The following CCDC170 variants were observed in gnomAD, a reference collection of about 807,000 sequenced individuals.
CCDC170 encodes the protein coiled-coil domain-containing protein 170.
Under a neutral mutation model 72.6 loss-of-function variants are expected in CCDC170, and 69 were observed. That is an observed-to-expected ratio of 0.95 (90% CI 0.78 to 1.16). The LOEUF is 1.16. CCDC170 is among the 50% of genes most tolerant of loss of function. The probability of loss-of-function intolerance (pLI) is 0.00; values close to 1 mark genes in which losing one functional copy is unlikely to be tolerated. For missense variants in CCDC170, 852 were observed against 832.5 expected (o/e 1.02, Z -0.29); for synonymous variants, 300 against 303.9 (o/e 0.99, Z 0.13).
intron 9 of CCDC170, among the ~76,000 whole-genome samples, chr6:151,614,133 T>C (rs868344866): frequency 1.3e-4 from 20 of 152,162 alleles, no homozygotes; most frequent in Non-Finnish European, 1.3e-4. Flanking sequence ...ATAATATATA[T>C]CATTTTACCC....
At chr6:151,578,570 C>T (rs571979825) in intron 6 of CCDC170, among the ~76,000 whole-genome samples, 2 of 152,220 alleles carry the variant, frequency 1.3e-5, no homozygotes, top group East Asian at 1.9e-4. Flanking sequence ...TCTAAAGACC[C>T]GATCTCCAAA....
chr6:151,498,443 G>A (rs543540164), intron 1 of CCDC170, among the ~76,000 whole-genome samples: 8 of 152,272 alleles, frequency 5.3e-5, no homozygotes, highest in African/African-American at 9.6e-5. Flanking sequence ...ACTTACAAAT[G>A]TACAGTTTAG....
chr6:151,536,287 T>C, intron 1 of CCDC170, 31 bp from the exon 2 acceptor site: 2 of 1,610,882 alleles, frequency 1.2e-6, no homozygotes, highest in Non-Finnish European at 8.5e-7. Flanking sequence ...CACTCTTCTT[T>C]ATATTTTGTA....
intron 9 of CCDC170, among the ~76,000 whole-genome samples, chr6:151,613,835 A>G (rs1177480152): frequency 6.6e-6 from 1 of 152,170 alleles, no homozygotes; most frequent in Non-Finnish European, 1.5e-5. Flanking sequence ...ATAAGTTTTC[A>G]GTTCTCTTGC....
At chr6:151,519,107 AT>A (rs1356764863) in intron 1 of CCDC170, among the ~76,000 whole-genome samples, 2 of 152,012 alleles carry the variant, frequency 1.3e-5, no homozygotes, top group Non-Finnish European at 2.9e-5. Context: ...CCAGGGTGGG[AT>A]TTTTTTCCCC....
chr6:151,507,144 A>G (rs1236032112), intron 1 of CCDC170, among the ~76,000 whole-genome samples: 1 of 152,202 alleles, frequency 6.6e-6, no homozygotes, highest in East Asian at 1.9e-4. Context: ...AGGGCAGGGT[A>G]TAGCTAGGCC....
rs111456042 is a variant in CCDC170, at chr6:151,530,267, A to T, written c.58-6051A>T. On this transcript the variant is annotated intron_variant, in intron 1 of 10. Coordinates refer to ENST00000239374, the MANE Select transcript of CCDC170 (RefSeq NM_025059.4). ...TATTTCCATTTCTTTTGATAAGATC[A>T]TGAGAAAGAAATTCACCAGGACAAA... 6.1e-3 allele frequency among the ~76,000 whole-genome samples: 923 copies of T among 151,994 alleles called. 6 individuals carry two copies. Among genetic ancestry groups the T allele is most frequent in the African/African-American group, 0.021 (853 of 41,496 alleles).
chr6:151,609,875 C>T (rs1256071531), intron 9 of CCDC170, among the ~76,000 whole-genome samples: 7 of 152,190 alleles, frequency 4.6e-5, no homozygotes, highest in African/African-American at 9.6e-5. Context: ...GATAAAGTCT[C>T]ATATTTTTTA....
chr6:151,520,666 A>C (rs1483014545), intron 1 of CCDC170, among the ~76,000 whole-genome samples: 1 of 152,194 alleles, frequency 6.6e-6, no homozygotes, highest in Non-Finnish European at 1.5e-5. Flanking sequence ...ACTGCTCCTA[A>C]GATCCATGCT....
chr6:151,574,111 G>A (rs1319961568), intron 6 of CCDC170, among the ~76,000 whole-genome samples: 5 of 152,214 alleles, frequency 3.3e-5, no homozygotes, highest in Non-Finnish European at 7.3e-5. Context: ...TACCTGGCAG[G>A]CTGAAGTGGA....
intron 6 of CCDC170, among the ~76,000 whole-genome samples, chr6:151,579,625 G>A (rs1186573157): frequency 1.3e-5 from 2 of 152,176 alleles, no homozygotes; most frequent in Non-Finnish European, 2.9e-5. Context: ...AGACCTTCTT[G>A]CCTTTGATTC....
At chr6:151,600,570 C>T (rs1052167558) in intron 9 of CCDC170, among the ~76,000 whole-genome samples, 2 of 152,080 alleles carry the variant, frequency 1.3e-5, no homozygotes, top group African/African-American at 4.8e-5. Context: ...CCTGCAAAGG[C>T]CCTTATCTAA....
intron 5 of CCDC170, among the ~76,000 whole-genome samples, chr6:151,566,569 A>C (rs1263687711): frequency 2.0e-5 from 3 of 152,238 alleles, no homozygotes; most frequent in Non-Finnish European, 4.4e-5. Flanking sequence ...CAAATTTTTA[A>C]GTATTAGAAG....
chr6:151,618,135 G>T lies in CCDC170; in HGVS notation c.2136G>T (p.Gln712His). 6.2e-7 allele frequency: 1 copy of T among 1,613,962 alleles called. No individual in the cohort carries two copies. Among genetic ancestry groups the T allele is most frequent in the Non-Finnish European group, 8.5e-7 (1 of 1,179,958 alleles). Residue 712 changes from glutamine to histidine, a missense_variant, in exon 11 of 11, where the codon CAG becomes CAT. By Grantham distance (24) the Gln-to-His change is conservative (BLOSUM62 0). Coordinates refer to ENST00000239374, the MANE Select transcript of CCDC170 (RefSeq NM_025059.4). ...GQERHPQGHLQLLH is the reference protein window; with the variant it reads ...GQERHPQGHLHLLH ...AGAGGCACCCACAAGGCCATTTACA[G>T]CTTCTTCATTGAACACTGTATCTCT... is the stretch of plus-strand genomic sequence containing the variant.
chr6:151,604,967 A>G (rs553117591), intron 9 of CCDC170, among the ~76,000 whole-genome samples: 3 of 152,296 alleles, frequency 2.0e-5, no homozygotes, highest in African/African-American at 2.4e-5. Flanking sequence ...GAATCACCCT[A>G]TAGTGCTTTA....
chr6:151,600,254 G>A (rs571007712), intron 9 of CCDC170, among the ~76,000 whole-genome samples: 1 of 152,250 alleles, frequency 6.6e-6, no homozygotes, highest in South Asian at 2.1e-4. Flanking sequence ...ATTGTACATT[G>A]CCTTAAGCTT....
chr6:151,569,644 C>T (rs1430574418), intron 5 of CCDC170, among the ~76,000 whole-genome samples: 7 of 152,178 alleles, frequency 4.6e-5, no homozygotes, highest in Non-Finnish European at 8.8e-5. Flanking sequence ...TTATTTTATG[C>T]CGCTTGCTTC....
rs1183331333 is a variant in CCDC170, at chr6:151,573,227, C to A, written c.828C>A (p.Ile276=). Residue 276 remains isoleucine (I), a synonymous_variant, in exon 6 of 11, where the codon ATC becomes ATA. Coordinates refer to ENST00000239374, the MANE Select transcript of CCDC170 (RefSeq NM_025059.4). ...AKEALEREVK[I]FQERLLAGQQ... is the part of the protein sequence containing the mutation. ...AAGCTCTTGAAAGGGAAGTTAAGATCTTCCAAGAAAGGCTGCTTGCTGGCC... is the reference window on the plus strand; with the variant it reads ...AAGCTCTTGAAAGGGAAGTTAAGATATTCCAAGAAAGGCTGCTTGCTGGCC... 1.9e-6 allele frequency: 3 copies of A among 1,614,096 alleles called. No individual in the cohort carries two copies. The highest frequency in any genetic ancestry group is 2.7e-5 in the African/African-American group (2 of 75,030).
At chr6:151,617,446 T>A (rs1485037946) in intron 10 of CCDC170, among the ~76,000 whole-genome samples, 1 of 49,658 alleles carries the variant, frequency 2.0e-5, no homozygotes, top group Non-Finnish European at 3.8e-5. Flanking sequence ...TTTTTTTTTT[T>A]TTTTTTTAGT....
Sources: allele counts gnomAD v4.1 joint callset (sites outside exome capture counted in the v4.1 genomes callset), GRCh38; gene constraint gnomAD v4.1.1; transcripts MANE v1.5; gene names NCBI Gene and HGNC (gene_info 2026-07-23, HGNC 2026-07-21).